Variants in COPG2 observed in about 807,000 individuals in gnomAD.
The protein encoded by COPG2 is coat protein complex I subunit gamma 2.
A neutral mutation model predicts 46.3 loss-of-function variants in COPG2; 37 were observed. The ratio of observed to expected loss-of-function variants is 0.80; its 90% CI spans 0.61 to 1.05. The LOEUF (loss-of-function observed/expected upper bound fraction) is 1.05. Among genes scored for constraint, COPG2 ranks in the 50% least tolerant of loss-of-function variants. The probability of loss-of-function intolerance (pLI) is 0.00; values close to 1 mark genes in which losing one functional copy is unlikely to be tolerated. For missense variants in COPG2, 427 were observed against 387.8 expected (o/e 1.10, Z -0.85); for synonymous variants, 159 against 129.7 (o/e 1.23, Z -1.53).
chr7:130,592,765 C>A (rs1794455779), intron 9 of COPG2, among the ~76,000 whole-genome samples: 1 of 152,152 alleles, frequency 6.6e-6, no homozygotes, highest in Non-Finnish European at 1.5e-5. Context: ...GGGTCACAGC[C>A]TCTGATTATA....
At chr7:130,599,243 A>G (rs971558989) in intron 9 of COPG2, among the ~76,000 whole-genome samples, 5 of 152,244 alleles carry the variant, frequency 3.3e-5, no homozygotes, top group African/African-American at 1.2e-4. Flanking sequence ...AACTCCAGGC[A>G]GCAGTTTCAC....
At chr7:130,552,541 CCCTT>C (rs1793548676) in intron 14 of COPG2, 111 bp from the exon 15 acceptor site, 1 of 394,320 alleles carries the variant, frequency 2.5e-6, no homozygotes, top group African/African-American at 2.1e-5. Flanking sequence ...GAGATAAACT[CCCTT>C]GTTTTATTGA....
intron 3 of COPG2, among the ~76,000 whole-genome samples, chr7:130,664,212 TA>T (rs1554461133): frequency 6.6e-6 from 1 of 152,232 alleles, no homozygotes; most frequent in Non-Finnish European, 1.5e-5. Context: ...TATAATACGT[TA>T]CACTCAATCA....
chr7:130,628,752 G>GA (rs1255551362), intron 5 of COPG2, among the ~76,000 whole-genome samples: 1 of 152,202 alleles, frequency 6.6e-6, no homozygotes, highest in East Asian at 1.9e-4. Flanking sequence ...TGTTGTGTAA[G>GA]AAAGTCTTTA....
In COPG2 at chr7:130,634,878, C is replaced by T. The variant is rs374470859; in HGVS notation, c.324-17813G>A. On this transcript the variant is annotated intron_variant, in intron 5 of 23. Coordinates refer to ENST00000425248, the MANE Select transcript of COPG2 (RefSeq NM_012133.6). ...AAATAGCTCTTATTATTTTGAGATA[C>T]GTTCCATCAACACCTAGTTTTTTGA... is the stretch of plus-strand genomic sequence containing the variant. 1.3e-4 allele frequency among the ~76,000 whole-genome samples: 19 copies of T among 151,874 alleles called. No individual in the cohort carries two copies. In the South Asian group the frequency reaches 2.9e-3, roughly 23 times the overall value.
chr7:130,514,845 T>C (rs998726099), intron 20 of COPG2, among the ~76,000 whole-genome samples: 78 of 152,268 alleles, frequency 5.1e-4, no homozygotes, highest in African/African-American at 1.8e-3. Flanking sequence ...CACAGCGCCA[T>C]AAAGATGCCT....
intron 9 of COPG2, among the ~76,000 whole-genome samples, chr7:130,566,049 T>C (rs1387576437): frequency 6.6e-6 from 1 of 152,158 alleles, no homozygotes; most frequent in Non-Finnish European, 1.5e-5. Context: ...GCTGAAAACC[T>C]CATAAGTTTG....
intron 12 of COPG2, among the ~76,000 whole-genome samples, chr7:130,560,641 G>T (rs1793704077): frequency 6.6e-6 from 1 of 152,092 alleles, no homozygotes; most frequent in Non-Finnish European, 1.5e-5. Context: ...ATAATACAAA[G>T]CCCAAAAATA....
intron 5 of COPG2, among the ~76,000 whole-genome samples, chr7:130,648,320 T>TA (rs1304228347): frequency 6.6e-6 from 1 of 152,194 alleles, no homozygotes; most frequent in Non-Finnish European, 1.5e-5. Context: ...CTCACTGGGC[T>TA]AAAATCACTG....
chr7:130,537,600 C>T (rs1204177073), intron 20 of COPG2, among the ~76,000 whole-genome samples: 1 of 151,584 alleles, frequency 6.6e-6, no homozygotes, highest in African/African-American at 2.4e-5. Context: ...GAGAGCAGGA[C>T]AGAGGAGAGG....
At chr7:130,611,822 T>C (rs940900793) in intron 8 of COPG2, among the ~76,000 whole-genome samples, 2 of 152,218 alleles carry the variant, frequency 1.3e-5, no homozygotes, top group South Asian at 2.1e-4. Flanking sequence ...ATAATGCCTA[T>C]AATCAAGGCC....
At chr7:130,520,611 A>G (rs928820906) in intron 20 of COPG2, among the ~76,000 whole-genome samples, 120,190 of 152,138 alleles carry the variant, frequency 0.79, 47,829 homozygotes, top group Non-Finnish European at 0.85. Flanking sequence ...TACTTGAGAT[A>G]GCATATTTTT....
Position 130,640,335 on chromosome 7 carries a change from T to C in COPG2, c.323+12534A>G, listed in dbSNP as rs560303035. Among the ~76,000 whole-genome samples the C allele has an allele frequency of 9.4e-4, 143 of 151,980 alleles. 1 individual carries two copies. Among genetic ancestry groups the C allele is most frequent in the African/African-American group, 3.4e-3 (140 of 41,518 alleles). The stretch of plus-strand genomic sequence containing the variant: ...AAACTCACTGTTGCTATATTGGTCA[T>C]TCATTAAGTATTGTTTTCTCTCCCT... On this transcript the variant is annotated intron_variant, in intron 5 of 23. Transcript: ENST00000425248.
intron 9 of COPG2, among the ~76,000 whole-genome samples, chr7:130,572,289 A>T (rs1026236783): frequency 3.9e-5 from 6 of 152,176 alleles, no homozygotes; most frequent in African/African-American, 1.4e-4. Flanking sequence ...GTCTAGTCCC[A>T]CCCAATAACT....
At chr7:130,656,254 A>C (rs1795850782) in intron 4 of COPG2, among the ~76,000 whole-genome samples, 1 of 151,694 alleles carries the variant, frequency 6.6e-6, no homozygotes, top group South Asian at 2.1e-4. Flanking sequence ...AAAAATAATT[A>C]ATTTTTAAAA....
chr7:130,612,349 C>A, intron 7 of COPG2, 111 bp from the exon 8 acceptor site: 1 of 654,856 alleles, frequency 1.5e-6, no homozygotes. Flanking sequence ...AGGAAGAAAA[C>A]TATGTAGCTC....
chr7:130,622,070 C>G (rs961567363), intron 5 of COPG2, among the ~76,000 whole-genome samples: 4 of 151,700 alleles, frequency 2.6e-5, no homozygotes, highest in Non-Finnish European at 5.9e-5. Flanking sequence ...ACAGCAAAGG[C>G]TTGCATAAAG....
Position 130,609,292 on chromosome 7 carries a change from T to C in COPG2, c.737+1661A>G, listed in dbSNP as rs568781439. On this transcript the variant is annotated intron_variant, in intron 9 of 23. Transcript: ENST00000425248. ...ATGGGAGGGACCAAGTGGGAGGTAA[T>C]TGAATCATGGGGGCAAGTGTTTCCC... is the stretch of plus-strand genomic sequence containing the variant. 1.6e-4 allele frequency among the ~76,000 whole-genome samples: 25 copies of C among 152,316 alleles called. No homozygotes were observed. The South Asian group carries it at 4.4e-3, about 27-fold the overall frequency.
chr7:130,610,820 T>A lies in COPG2; in HGVS notation c.737+133A>T, dbSNP rs188640360. 2.4e-3 allele frequency: 2,096 copies of A among 877,286 alleles called. 27 individuals carry two copies. In the African/African-American group the frequency reaches 0.025, roughly 11 times the overall value. 54.3% of individuals were successfully genotyped at this position (877,286 alleles called of 1,614,324 possible). A position where few individuals can be genotyped will look rare whatever the true frequency, so the allele number is the denominator to read the frequency against. On this transcript the variant is annotated intron_variant, in intron 9 of 23. Transcript: ENST00000425248. The stretch of plus-strand genomic sequence containing the variant: ...GTGACTTGAAATTCCATAATTTTTT[T>A]AAAAAATTGAAAAACATTGAACTCA...
Sources: allele counts gnomAD v4.1 joint callset (sites outside exome capture counted in the v4.1 genomes callset), GRCh38; gene constraint gnomAD v4.1.1; transcripts MANE v1.5; gene names NCBI Gene and HGNC (gene_info 2026-07-23, HGNC 2026-07-21).